Variants in SOX5 observed in about 807,000 individuals in gnomAD.
The protein encoded by SOX5 is SRY-box transcription factor 5, also known as transcription factor SOX-5.
Under a neutral mutation model 92.0 loss-of-function variants are expected in SOX5, and 9 were observed. The ratio of observed to expected loss-of-function variants is 0.10; its 90% confidence interval spans 0.06 to 0.17. The LOEUF (loss-of-function observed/expected upper bound fraction) is 0.17, where lower values mean the gene tolerates loss of function less well. Ranked by LOEUF, SOX5 falls within the 10% of genes least tolerant of loss-of-function variation. The pLI, the probability that SOX5 is intolerant of heterozygous loss-of-function variation, is 1.00. For missense variants in SOX5, 642 were observed against 944.5 expected (o/e 0.68, Z 4.20); for synonymous variants, 344 against 336.3 (o/e 1.02, Z -0.25).
chr12:24,033,945 C>T (rs745590300), intron 4 of SOX5, among the ~76,000 whole-genome samples: 2 of 151,940 alleles, frequency 1.3e-5, no homozygotes, highest in African/African-American at 2.4e-5. Flanking sequence ...CTGAAGACAG[C>T]GTTTTTTATA....
At chr12:24,442,847 G>A (rs1233146988) in intron 1 of SOX5, among the ~76,000 whole-genome samples, 1 of 152,156 alleles carries the variant, frequency 6.6e-6, no homozygotes, top group Non-Finnish European at 1.5e-5. Context: ...GAAGGTGGCA[G>A]GAGGCCACAG....
At chr12:24,064,703 G>A (rs1940353623) in intron 4 of SOX5, among the ~76,000 whole-genome samples, 1 of 152,174 alleles carries the variant, frequency 6.6e-6, no homozygotes, top group Non-Finnish European at 1.5e-5. Flanking sequence ...GTTCCCAGCT[G>A]TATCCTGATC....
At chr12:23,750,102 ACT>A (rs1326991507) in intron 4 of SOX5, among the ~76,000 whole-genome samples, 4 of 151,758 alleles carry the variant, frequency 2.6e-5, no homozygotes, top group African/African-American at 9.7e-5. Flanking sequence ...ACCCAGTCAA[ACT>A]CTGTTGAAGA....
chr12:24,140,091 G>T (rs1950441333), intron 4 of SOX5, among the ~76,000 whole-genome samples: 1 of 152,068 alleles, frequency 6.6e-6, no homozygotes, highest in African/African-American at 2.4e-5. Context: ...AAACAAAATA[G>T]GGAAATACCT....
At chr12:24,339,923 C>T in intron 2 of SOX5, among the ~76,000 whole-genome samples, 1 of 152,196 alleles carries the variant, frequency 6.6e-6, no homozygotes, top group East Asian at 1.9e-4. Context: ...GGGTATTATC[C>T]CCCCTGGCTG....
Position 23,632,686 on chromosome 12 carries a change from C to T in SOX5, c.1017+8126G>A, listed in dbSNP as rs140544625. Among the ~76,000 whole-genome samples, 557 of 152,244 alleles carry T rather than the reference C, an allele frequency of 3.7e-3. 2 individuals are homozygous for T. The highest frequency in any genetic ancestry group is 0.012 in the African/African-American group (514 of 41,570). ...TTCATCTACCTCTACCTTGATGTTA[C>T]TCTCCATCAGACAGGAGCTTAAGCC... On this transcript the variant is annotated intron_variant, in intron 8 of 14. Transcript: ENST00000451604.
Position 23,826,296 on chromosome 12 carries a change from G to A in SOX5, c.481+19687C>T, listed in dbSNP as rs577417278. On this transcript the variant is annotated intron_variant, in intron 3 of 14. Coordinates refer to ENST00000451604, the MANE Select transcript of SOX5 (RefSeq NM_006940.6). ...GGTGTTTGGGTTTTTTTGTCCTTGCGGTAGTTTGCTGAGAATGAGTGTGTG... is the reference window on the plus strand; with the variant it reads ...GGTGTTTGGGTTTTTTTGTCCTTGCAGTAGTTTGCTGAGAATGAGTGTGTG... 6.4e-4 allele frequency among the ~76,000 whole-genome samples: 97 copies of A among 151,504 alleles called. No homozygotes were observed. The Middle Eastern group carries it at 0.017, about 27-fold the overall frequency.
intron 7 of SOX5, among the ~76,000 whole-genome samples, chr12:23,663,756 G>T (rs2139382554): frequency 6.6e-6 from 1 of 151,930 alleles, no homozygotes; most frequent in East Asian, 1.9e-4. Context: ...AAAAAAATCA[G>T]AATTTAGTGT....
intron 1 of SOX5, among the ~76,000 whole-genome samples, chr12:24,446,778 C>A (rs1348347251): frequency 1.3e-5 from 2 of 152,048 alleles, no homozygotes; most frequent in Non-Finnish European, 2.9e-5. Context: ...TGTTTTATAT[C>A]AACAATTCCC....
At chr12:24,305,645 T>C (rs901244497) in intron 2 of SOX5, among the ~76,000 whole-genome samples, 1 of 152,190 alleles carries the variant, frequency 6.6e-6, no homozygotes, top group African/African-American at 2.4e-5. Context: ...TCGCCCAGGC[T>C]GGAGTGCAGT....
intron 8 of SOX5, among the ~76,000 whole-genome samples, chr12:23,616,901 C>T (rs899784173): frequency 6.6e-6 from 1 of 152,066 alleles, no homozygotes; most frequent in Non-Finnish European, 1.5e-5. Context: ...GGGACGATCA[C>T]TTGAGGGCAG....
At chr12:23,648,393 G>C (rs2081144483) in intron 7 of SOX5, among the ~76,000 whole-genome samples, 1 of 152,148 alleles carries the variant, frequency 6.6e-6, no homozygotes, top group Non-Finnish European at 1.5e-5. Flanking sequence ...GTCATGGATT[G>C]AATTATGTCT....
chr12:23,636,526 T>C (rs1461918826), intron 8 of SOX5, among the ~76,000 whole-genome samples: 2 of 152,266 alleles, frequency 1.3e-5, no homozygotes, highest in East Asian at 3.9e-4. Flanking sequence ...TTATTTCAAA[T>C]GAAAACACAT....
At chr12:24,478,584 T>G (rs1236312195) in intron 1 of SOX5, among the ~76,000 whole-genome samples, 2 of 152,248 alleles carry the variant, frequency 1.3e-5, no homozygotes, top group African/African-American at 4.8e-5. Flanking sequence ...CTGTTTCACC[T>G]GCTCATGTCC....
At chr12:24,167,692 C>T (rs959221466) in intron 4 of SOX5, among the ~76,000 whole-genome samples, 2 of 152,174 alleles carry the variant, frequency 1.3e-5, no homozygotes, top group African/African-American at 2.4e-5. Flanking sequence ...AAAACAGCAA[C>T]GTATTATTCT....
At chr12:24,115,093 G>T (rs1272359675) in intron 4 of SOX5, among the ~76,000 whole-genome samples, 1 of 152,082 alleles carries the variant, frequency 6.6e-6, no homozygotes, top group Non-Finnish European at 1.5e-5. Context: ...GAGCTATAAA[G>T]AATCAATATA....
chr12:23,921,514 A>G (rs889384298), intron 1 of SOX5, among the ~76,000 whole-genome samples: 2 of 152,162 alleles, frequency 1.3e-5, no homozygotes, highest in Non-Finnish European at 2.9e-5. Flanking sequence ...TTTCCCTTAG[A>G]AGCAAAGGTC....
At chr12:23,614,434 T>C (rs1328794632) in intron 8 of SOX5, among the ~76,000 whole-genome samples, 3 of 152,230 alleles carry the variant, frequency 2.0e-5, no homozygotes, top group Non-Finnish European at 4.4e-5. Flanking sequence ...AAAAGAGATC[T>C]GGTTTCTTTC....
chr12:24,261,159 A>G (rs1942027234), intron 3 of SOX5, among the ~76,000 whole-genome samples: 2 of 147,264 alleles, frequency 1.4e-5, no homozygotes, highest in South Asian at 4.3e-4. Flanking sequence ...AAGAAATACT[A>G]AATTTTAGAG....
Sources: allele counts gnomAD v4.1 joint callset (sites outside exome capture counted in the v4.1 genomes callset), GRCh38; gene constraint gnomAD v4.1.1; transcripts MANE v1.5; gene names NCBI Gene and HGNC (gene_info 2026-07-23, HGNC 2026-07-21).